BTNL9: variants seen among roughly 807,000 people sequenced by gnomAD.
BTNL9 encodes butyrophilin like 9, also known as butyrophilin-like protein 9.
Under a neutral mutation model 45.8 loss-of-function variants are expected in BTNL9, and 45 were observed. The ratio of observed to expected loss-of-function variants is 0.98; its 90% CI spans 0.77 to 1.26. The LOEUF (loss-of-function observed/expected upper bound fraction) is 1.26, where lower values mean the gene tolerates loss of function less well. BTNL9 is among the 50% of genes most tolerant of loss of function. BTNL9 has a pLI of 0.00. For missense variants in BTNL9, 784 were observed against 729.7 expected, an observed-to-expected ratio of 1.07 and a Z score of -0.86; for synonymous variants, 346 against 330.8, an observed-to-expected ratio of 1.05 and a Z score of -0.50.
At chr5:181,052,637 G>T (rs1761605636) in intron 4 of BTNL9, 1 of 152,250 alleles carries the variant, frequency 6.6e-6, no homozygotes, top group South Asian at 2.1e-4. Flanking sequence ...CTGCGCCGCT[G>T]GTGCTGTCGG....
At chr5:181,047,081 G>A (rs534092238) in intron 2 of BTNL9, among the ~76,000 whole-genome samples, 1 of 152,192 alleles carries the variant, frequency 6.6e-6, no homozygotes, top group African/African-American at 2.4e-5. Flanking sequence ...AGAGAGCTTT[G>A]GGATGGAGTT....
rs375866841 is a variant in BTNL9 at position 181,056,155 on chromosome 5, G to A, written c.955+140G>A. On this transcript the variant is annotated intron_variant, in intron 9 of 10. Transcript: ENST00000327705. ...AGCATGTGTTAATCTATGTCACTGG[G>A]TAGAGGTCATACTCTGTCCTGAGGA... 2.1e-3 allele frequency: 2,026 copies of A among 976,986 alleles called. 40 individuals are homozygous for A. In the South Asian group the frequency reaches 0.025, roughly 12 times the overall value. The allele number at this position is 976,986 out of a possible 1,614,324, so 60.5% of individuals were successfully genotyped here.
At chr5:181,040,969 A>G (rs977082948) in intron 1 of BTNL9, among the ~76,000 whole-genome samples, 1 of 152,240 alleles carries the variant, frequency 6.6e-6, no homozygotes, top group Non-Finnish European at 1.5e-5. Flanking sequence ...TACTTCAGGG[A>G]TAATTTCTGT....
chr5:181,054,755 G>T (rs1272806492), intron 7 of BTNL9: 1 of 985,286 alleles, frequency 1.0e-6, no homozygotes, highest in Non-Finnish European at 1.2e-6. Flanking sequence ...GGGGTTGGGG[G>T]GGCAATTCAG....
At position 181,055,504 on chromosome 5, in the gene BTNL9, T is replaced by C; in HGVS notation, c.928+51T>C. The C allele has an allele frequency of 6.2e-7, 1 of 1,604,078 alleles. No homozygotes were observed. Among genetic ancestry groups the C allele is most frequent in the South Asian group, 1.1e-5 (1 of 90,898 alleles). On this transcript the variant is annotated intron_variant, in intron 8 of 10. Coordinates refer to ENST00000327705, the MANE Select transcript of BTNL9 (RefSeq NM_152547.5). The surrounding 1 kb of genome is among the most constrained non-coding windows in gnomAD (Gnocchi z 4.4). ...TCTCCTCAGGGCCGGGTCCAGTGGCTCACACCTGTAATCCCAGTACTTTGG... is the reference window on the plus strand; with the variant it reads ...TCTCCTCAGGGCCGGGTCCAGTGGCCCACACCTGTAATCCCAGTACTTTGG...
chr5:181,048,721 AT>A (rs1175066817), intron 3 of BTNL9, among the ~76,000 whole-genome samples: 4 of 111,376 alleles, frequency 3.6e-5, no homozygotes, highest in Admixed American at 1.1e-4. Context: ...AAATATATAT[AT>A]ATATCTATAT....
chr5:181,050,512 C>T lies in BTNL9; in HGVS notation c.736+143C>T. ...GGCCTTGACACCTGAAAAGTCAGCACCTTGGATATTAGGAACACACTAAGA... is the reference window on the plus strand; with the variant it reads ...GGCCTTGACACCTGAAAAGTCAGCATCTTGGATATTAGGAACACACTAAGA... On this transcript the variant is annotated intron_variant, in intron 4 of 10. Coordinates refer to ENST00000327705, the MANE Select transcript of BTNL9 (RefSeq NM_152547.5). This position sits in a 1 kb window ranked among gnomAD's most constrained non-coding sequence, Gnocchi z 4.9. 9.9e-7 allele frequency: 1 copy of T among 1,013,696 alleles called. No homozygotes were observed. The highest frequency in any genetic ancestry group is 1.4e-6 in the Non-Finnish European group (1 of 692,544). The allele number at this position is 1,013,696 out of a possible 1,614,324, so 62.8% of individuals were successfully genotyped here. A position where few individuals can be genotyped will look rare whatever the true frequency, so the allele number is the denominator to read the frequency against.
intron 2 of BTNL9, 54 bp from the exon 3 acceptor site, chr5:181,047,873 T>A (rs1290748382): frequency 6.6e-7 from 1 of 1,504,996 alleles, no homozygotes; most frequent in Non-Finnish European, 9.1e-7. Flanking sequence ...GTGTGATAAC[T>A]TTTTTAAAAA....
chr5:181,044,704 G>A (rs1561973975), intron 1 of BTNL9, among the ~76,000 whole-genome samples: 1 of 152,232 alleles, frequency 6.6e-6, no homozygotes, highest in Admixed American at 6.5e-5. Flanking sequence ...TGAGTCATTA[G>A]TGGGTCCCAA....
At position 181,042,571 on chromosome 5, in the gene BTNL9, T is replaced by G. The variant is rs1017916321; in HGVS notation, c.-24+2139T>G. ...GGTGCTGTCCAGGAGCCGCTGACTT[T>G]TCCCTTCAGGAAGCTGCCAGACCAT... On this transcript the variant is annotated intron_variant, in intron 1 of 10. Transcript: ENST00000327705. This position sits in a 1 kb window ranked among gnomAD's most constrained non-coding sequence, Gnocchi z 4.5. Among the ~76,000 whole-genome samples, 2 of 152,126 alleles carry G rather than the reference T, an allele frequency of 1.3e-5. No individual in the cohort carries two copies. The highest frequency in any genetic ancestry group is 2.9e-5 in the Non-Finnish European group (2 of 68,024).
At chr5:181,047,497 A>G (rs1250164753) in intron 2 of BTNL9, 8 of 992,142 alleles carry the variant, frequency 8.1e-6, no homozygotes, top group Non-Finnish European at 9.6e-6. Context: ...ACCATCAGCA[A>G]TTTGATGTCT....
chr5:181,056,132 CA>C, intron 9 of BTNL9, 117 bp downstream of exon 9: 1 of 1,163,372 alleles, frequency 8.6e-7, no homozygotes, highest in Non-Finnish European at 1.3e-6. Flanking sequence ...CCTCACACAG[CA>C]TGTGTTAATC....
chr5:181,056,510 T>G (rs1415009065), intron 9 of BTNL9: 1 of 716,396 alleles, frequency 1.4e-6, no homozygotes, highest in Non-Finnish European at 2.6e-6. Context: ...CTCGTGTGCA[T>G]TCAGTCTGTT....
In BTNL9 at chr5:181,053,126, G is replaced by A. The variant is rs2113223929; in HGVS notation, c.737-74G>A. 2.3e-6 allele frequency: 3 copies of A among 1,296,606 alleles called. No homozygotes were observed. Among genetic ancestry groups the A allele is most frequent in the Middle Eastern group, 1.9e-4 (1 of 5,180 alleles). The allele number at this position is 1,296,606 out of a possible 1,614,324, so 80.3% of individuals were successfully genotyped here. Reference sequence around the variant, plus strand: ...TCCCGCGGGAGGTTTCCCGGCACGCGGCGGGCAGGCCGGTCTCGCCTCTCG... The same window carrying A: ...TCCCGCGGGAGGTTTCCCGGCACGCAGCGGGCAGGCCGGTCTCGCCTCTCG... On this transcript the variant is annotated intron_variant, in intron 4 of 10. Transcript: ENST00000327705. This position sits in a 1 kb window ranked among gnomAD's most constrained non-coding sequence, Gnocchi z 6.5.
chr5:181,052,848 T>A (rs916625592), intron 4 of BTNL9: 1 of 133,470 alleles, frequency 7.5e-6, no homozygotes, highest in South Asian at 2.5e-4. Flanking sequence ...GAGCAGGAGC[T>A]CCCCGGACAT....
rs966021545 is a variant in BTNL9 at position 181,042,255 on chromosome 5, G to A, written c.-24+1823G>A. ...CTGGGAGGACAAGCAGCACGTGCCCGCCGGCAGAGCTCAGCTCCAGCTGGA... is the reference window on the plus strand; with the variant it reads ...CTGGGAGGACAAGCAGCACGTGCCCACCGGCAGAGCTCAGCTCCAGCTGGA... On this transcript the variant is annotated intron_variant, in intron 1 of 10. Transcript: ENST00000327705. The surrounding 1 kb of genome is among the most constrained non-coding windows in gnomAD (Gnocchi z 4.5). 2.0e-5 allele frequency among the ~76,000 whole-genome samples: 3 copies of A among 152,222 alleles called. No individual in the cohort carries two copies. The highest frequency in any genetic ancestry group is 2.9e-5 in the Non-Finnish European group (2 of 68,038).
chr5:181,050,486 T>A lies in BTNL9; in HGVS notation c.736+117T>A. 7.9e-7 allele frequency: 1 copy of A among 1,272,744 alleles called. No individual in the cohort carries two copies. Among genetic ancestry groups the A allele is most frequent in the East Asian group, 2.3e-5 (1 of 42,962 alleles). 78.8% of individuals were successfully genotyped at this position (1,272,744 alleles called of 1,614,324 possible). A position where few individuals can be genotyped will look rare whatever the true frequency, so the allele number is the denominator to read the frequency against. On this transcript the variant is annotated intron_variant, in intron 4 of 10. Coordinates refer to ENST00000327705, the MANE Select transcript of BTNL9 (RefSeq NM_152547.5). The surrounding 1 kb of genome is among the most constrained non-coding windows in gnomAD (Gnocchi z 4.9). ...GCGCCTGTCTGCATATAGGGTGTGT[T>A]GGCCTTGACACCTGAAAAGTCAGCA...
intron 2 of BTNL9, 91 bp downstream of exon 2, chr5:181,045,689 G>C: frequency 1.9e-6 from 2 of 1,032,798 alleles, no homozygotes; most frequent in Non-Finnish European, 3.0e-6. Context: ...ACAGTACCAG[G>C]GCGTGCCAGA....
At chr5:181,044,546 G>A (rs185875555) in intron 1 of BTNL9, among the ~76,000 whole-genome samples, 6 of 152,334 alleles carry the variant, frequency 3.9e-5, no homozygotes, top group South Asian at 2.1e-4. Context: ...ATGGGAGTGG[G>A]CATTGGTTTC....
Sources: allele counts gnomAD v4.1 joint callset (sites outside exome capture counted in the v4.1 genomes callset), GRCh38; gene constraint gnomAD v4.1.1; non-coding constraint Gnocchi (gnomAD v3.1); transcripts MANE v1.5; gene names NCBI Gene and HGNC (gene_info 2026-07-23, HGNC 2026-07-21).